LMBRD1: variants seen among roughly 807,000 people sequenced by gnomAD.
LMBRD1 encodes lysosomal cobalamin transport escort protein LMBD1.
Under a neutral mutation model 74.8 loss-of-function variants are expected in LMBRD1, and 64 were observed. The observed-to-expected ratio is 0.86, with a 90% CI of 0.70 to 1.05. LMBRD1 has a LOEUF of 1.05. LMBRD1 is among the 50% of genes least tolerant of loss of function. The pLI is 0.00. For missense variants in LMBRD1, 652 were observed against 645.9 expected (o/e 1.01, Z -0.10); for synonymous variants, 204 against 216.3 (o/e 0.94, Z 0.50).
intron 3 of LMBRD1, among the ~76,000 whole-genome samples, chr6:69,763,325 A>G (rs1765411117): frequency 2.0e-5 from 3 of 152,192 alleles, no homozygotes. Context: ...AAAAAATGGA[A>G]AAGCTTGTTT....
chr6:69,713,899 C>T (rs1435058987), intron 8 of LMBRD1, 102 bp from the exon 9 acceptor site: 1 of 1,233,342 alleles, frequency 8.1e-7, no homozygotes, highest in African/African-American at 1.5e-5. Context: ...AGGATGGACA[C>T]TCTTTAGGCA....
At chr6:69,735,617 T>A (rs1329501283) in intron 7 of LMBRD1, among the ~76,000 whole-genome samples, 1 of 152,240 alleles carries the variant, frequency 6.6e-6, no homozygotes, top group Non-Finnish European at 1.5e-5. Flanking sequence ...TTCTTTCCAA[T>A]AATATCATTC....
At chr6:69,760,408 C>T (rs529472639) in intron 3 of LMBRD1, among the ~76,000 whole-genome samples, 166 of 152,238 alleles carry the variant, frequency 1.1e-3, no homozygotes, top group Non-Finnish European at 2.0e-3. Flanking sequence ...AAGGGATTAA[C>T]ACAAACTAAA....
intron 9 of LMBRD1, chr6:69,705,272 G>C: frequency 1.4e-6 from 1 of 722,334 alleles, no homozygotes; most frequent in South Asian, 1.4e-5. Flanking sequence ...TTAACAAATT[G>C]TTTAAACTAT....
chr6:69,748,786 T>C (rs1489511653), intron 5 of LMBRD1, among the ~76,000 whole-genome samples: 2 of 151,992 alleles, frequency 1.3e-5, no homozygotes, highest in South Asian at 2.1e-4. Flanking sequence ...CTGATATTAG[T>C]ATAAAAACAA....
chr6:69,683,157 C>T (rs1765697411), intron 14 of LMBRD1, among the ~76,000 whole-genome samples: 2 of 151,880 alleles, frequency 1.3e-5, no homozygotes, highest in Admixed American at 1.3e-4. Flanking sequence ...CAGCAACATC[C>T]AAGAAAAATG....
At chr6:69,792,989 A>G (rs1184540347) in intron 1 of LMBRD1, among the ~76,000 whole-genome samples, 1 of 152,214 alleles carries the variant, frequency 6.6e-6, no homozygotes, top group African/African-American at 2.4e-5. Context: ...GTTATCAATC[A>G]TTACTACAAT....
intron 2 of LMBRD1, among the ~76,000 whole-genome samples, chr6:69,786,023 A>C (rs754635748): frequency 1.3e-5 from 2 of 152,112 alleles, no homozygotes; most frequent in African/African-American, 2.4e-5. Context: ...AAACACTCAT[A>C]ACCTGACTAG....
At chr6:69,721,723 G>C (rs1766619122) in intron 7 of LMBRD1, among the ~76,000 whole-genome samples, 1 of 152,204 alleles carries the variant, frequency 6.6e-6, no homozygotes, top group Admixed American at 6.5e-5. Flanking sequence ...TACCAGCTCA[G>C]CCACAGTAAG....
At chr6:69,740,978 A>G (rs1466518533) in intron 6 of LMBRD1, among the ~76,000 whole-genome samples, 1 of 152,100 alleles carries the variant, frequency 6.6e-6, no homozygotes, top group African/African-American at 2.4e-5. Flanking sequence ...CTTCTAGAAA[A>G]GCAATGCCAA....
At chr6:69,679,296 T>C (rs889520201) in intron 14 of LMBRD1, among the ~76,000 whole-genome samples, 3 of 152,136 alleles carry the variant, frequency 2.0e-5, no homozygotes, top group Admixed American at 2.0e-4. Context: ...TTACCATAGA[T>C]GAGTACAGCT....
At chr6:69,681,953 A>C (rs1747740038) in intron 14 of LMBRD1, among the ~76,000 whole-genome samples, 1 of 151,954 alleles carries the variant, frequency 6.6e-6, no homozygotes. Flanking sequence ...TTGAAAGTAG[A>C]AAGAGGTTTA....
chr6:69,788,827 T>G (rs1228815159), intron 2 of LMBRD1, among the ~76,000 whole-genome samples: 2 of 152,218 alleles, frequency 1.3e-5, no homozygotes, highest in East Asian at 3.8e-4. Flanking sequence ...GAAGCCATCT[T>G]CCCAAGAAAC....
intron 9 of LMBRD1, 69 bp from the exon 10 acceptor site, chr6:69,702,022 A>G: frequency 1.1e-6 from 1 of 889,622 alleles, no homozygotes; most frequent in African/African-American, 1.7e-5. Flanking sequence ...AAATCATTAT[A>G]TTCAATATGA....
At chr6:69,792,990 TTAC>T (rs1486508341) in intron 1 of LMBRD1, among the ~76,000 whole-genome samples, 1 of 152,180 alleles carries the variant, frequency 6.6e-6, no homozygotes, top group African/African-American at 2.4e-5. Flanking sequence ...TTATCAATCA[TTAC>T]TACAATATAA....
At chr6:69,737,420 C>T (rs9346341) in intron 7 of LMBRD1, among the ~76,000 whole-genome samples, 86,131 of 151,552 alleles carry the variant, frequency 0.57, 24,976 homozygotes, top group East Asian at 0.73. Context: ...AGTATAAGAA[C>T]AGATTTCATA....
intron 7 of LMBRD1, among the ~76,000 whole-genome samples, chr6:69,721,743 C>A (rs576605594): frequency 1.3e-5 from 2 of 152,310 alleles, no homozygotes; most frequent in African/African-American, 2.4e-5. Flanking sequence ...GGCAGAGCAA[C>A]AAGCAGACTC....
intron 3 of LMBRD1, among the ~76,000 whole-genome samples, chr6:69,768,873 T>C (rs1765522820): frequency 6.6e-6 from 1 of 152,092 alleles, no homozygotes; most frequent in South Asian, 2.1e-4. Context: ...TTCATTTTAG[T>C]GCCCTCTGGT....
At chr6:69,717,535 G>A (rs1351125338) in intron 8 of LMBRD1, among the ~76,000 whole-genome samples, 1 of 152,060 alleles carries the variant, frequency 6.6e-6, no homozygotes, top group Non-Finnish European at 1.5e-5. Context: ...CAAATACTCT[G>A]ACATCTACTA....
Sources: allele counts gnomAD v4.1 joint callset (sites outside exome capture counted in the v4.1 genomes callset), GRCh38; gene constraint gnomAD v4.1.1; transcripts MANE v1.5; gene names NCBI Gene and HGNC (gene_info 2026-07-23, HGNC 2026-07-21).